SUPV3L1: variants seen among roughly 807,000 people sequenced by gnomAD.
The protein encoded by SUPV3L1 is Suv3 like RNA helicase.
SUPV3L1 carries 35 observed loss-of-function variants against 70.0 expected under a neutral mutation model. The ratio of observed to expected loss-of-function variants is 0.50; its 90% CI spans 0.38 to 0.66. The LOEUF (loss-of-function observed/expected upper bound fraction) is 0.66. Among genes scored for constraint, SUPV3L1 ranks in the 30% least tolerant of loss-of-function variants. The pLI is 0.00. For synonymous variants in SUPV3L1, 364 were observed against 341.9 expected, an observed-to-expected ratio of 1.06 and a Z score of -0.71; for missense variants, 777 against 961.5, an observed-to-expected ratio of 0.81 and a Z score of 2.54.
chr10:69,187,321 C>CTTT (rs200287859), intron 3 of SUPV3L1: 1 of 83,772 alleles, frequency 1.2e-5, no homozygotes, highest in Admixed American at 1.2e-4. Context: ...GACTTTTCTA[C>CTTT]TTTTTTTTTT....
At chr10:69,190,009 C>T (rs1299708476) in intron 5 of SUPV3L1, among the ~76,000 whole-genome samples, 1 of 152,150 alleles carries the variant, frequency 6.6e-6, no homozygotes, top group African/African-American at 2.4e-5. Flanking sequence ...TGTGCCAGTA[C>T]AGTGAATGAA....
At chr10:69,187,440 C>T in intron 3 of SUPV3L1, 1 of 314,758 alleles carries the variant, frequency 3.2e-6, no homozygotes, top group Non-Finnish European at 5.9e-6. Context: ...GTAGCCTCAA[C>T]CTCCTGGGCT....
chr10:69,180,280 C>A lies in SUPV3L1; in HGVS notation c.-12C>A. The A allele has an allele frequency of 2.5e-6, 4 of 1,612,154 alleles. No homozygotes were observed. The South Asian group carries it at 4.4e-5, about 18-fold the overall frequency. On this transcript the variant is annotated 5_prime_UTR_variant, in exon 1 of 15. Coordinates refer to ENST00000359655, the MANE Select transcript of SUPV3L1 (RefSeq NM_003171.5). ...CGCGGCTGCGCCAGACAGTGTAGAA[C>A]CTGCGGCCTCGATGTCCTTCTCCCG... is the stretch of plus-strand genomic sequence containing the variant.
At chr10:69,183,297 A>G (rs1205260540) in intron 1 of SUPV3L1, among the ~76,000 whole-genome samples, 1 of 152,140 alleles carries the variant, frequency 6.6e-6, no homozygotes, top group Non-Finnish European at 1.5e-5. Flanking sequence ...CCATCTTTTG[A>G]CTGGACTGCA....
In SUPV3L1 at chr10:69,180,364, T is replaced by C; in HGVS notation, c.73T>C (p.Cys25Arg). The change falls in exon 1 of 15, where the codon TGC becomes CGC. Residue 25 changes from cysteine (C) to arginine (R), a missense_variant. By Grantham distance (180) the Cys-to-Arg change is radical. Around this residue, in one of 2 missense-constraint regions of SUPV3L1, gnomAD observed 158 missense variants for 138.3 expected, o/e 1.14. Transcript: ENST00000359655. ...GRQAGHRAAI[C>R]SALRPHFGPF... is the part of the protein sequence containing the mutation. ...CCAGGCTGGCCACCGGGCAGCCATC[T>C]GCTCTGCCCTTCGTCCCCACTTTGG... 1 of 1,614,224 alleles carries C rather than the reference T, an allele frequency of 6.2e-7. No homozygotes were observed. The highest frequency in any genetic ancestry group is 1.1e-5 in the South Asian group (1 of 91,088).
At chr10:69,184,198 A>G (rs775839612) in intron 1 of SUPV3L1, among the ~76,000 whole-genome samples, 5 of 151,950 alleles carry the variant, frequency 3.3e-5, no homozygotes, top group African/African-American at 4.8e-5. Flanking sequence ...CCTTTTTCCA[A>G]TCTTTTATTT....
In SUPV3L1 at chr10:69,202,857, T is replaced by C. The variant is rs760555128; in HGVS notation, c.1600-10T>C. 1.2e-6 allele frequency: 2 copies of C among 1,608,758 alleles called. No homozygotes were observed. The highest frequency in any genetic ancestry group is 3.4e-5 in the Admixed American group (2 of 59,202). On this transcript the variant is annotated splice_polypyrimidine_tract_variant and intron_variant, in intron 12 of 14. Transcript: ENST00000359655. ...GGCAGTCCAGTAATTTCTGTCTTTT[T>C]TTCCCCAAGGATATTTTTGTAGACT...
intron 13 of SUPV3L1, among the ~76,000 whole-genome samples, chr10:69,204,605 A>G (rs921946012): frequency 2.6e-5 from 4 of 151,102 alleles, no homozygotes; most frequent in African/African-American, 9.9e-5. Context: ...AAATGAGAAC[A>G]TTACAGATAG....
chr10:69,184,235 C>T (rs1842149163), intron 1 of SUPV3L1, among the ~76,000 whole-genome samples: 2 of 151,798 alleles, frequency 1.3e-5, no homozygotes, highest in Non-Finnish European at 2.9e-5. Flanking sequence ...CCCTTGATAC[C>T]AAGAAACTGT....
intron 1 of SUPV3L1, among the ~76,000 whole-genome samples, chr10:69,183,834 C>A (rs1449290914): frequency 2.6e-5 from 4 of 151,502 alleles, no homozygotes; most frequent in African/African-American, 9.7e-5. Flanking sequence ...TAAAAAGAAA[C>A]CTGATATCTG....
At chr10:69,191,414 A>C (rs1031996719) in intron 5 of SUPV3L1, among the ~76,000 whole-genome samples, 1 of 151,842 alleles carries the variant, frequency 6.6e-6, no homozygotes, top group Non-Finnish European at 1.5e-5. Context: ...TTTTTGGTAG[A>C]GATGGGATTT....
chr10:69,187,625 A>G lies in SUPV3L1; in HGVS notation c.458-17A>G. On this transcript the variant is annotated splice_polypyrimidine_tract_variant and intron_variant, in intron 3 of 14. Coordinates refer to ENST00000359655, the MANE Select transcript of SUPV3L1 (RefSeq NM_003171.5). ...TTATGTAGATTGCACATGTTAATAC[A>G]GTGTTTTATTTTCCAGCTCATGCGG... is the stretch of plus-strand genomic sequence containing the variant. 6.6e-7 allele frequency: 1 copy of G among 1,520,912 alleles called. No homozygotes were observed. The highest frequency in any genetic ancestry group is 9.0e-7 in the Non-Finnish European group (1 of 1,106,226). The allele number at this position is 1,520,912 out of a possible 1,614,324, so 94.2% of individuals were successfully genotyped here.
chr10:69,202,782 G>A (rs1842718862), intron 12 of SUPV3L1, 85 bp from the exon 13 acceptor site: 2 of 1,363,322 alleles, frequency 1.5e-6, no homozygotes, highest in African/African-American at 1.5e-5. Flanking sequence ...TAAAGAGATT[G>A]TCTTTTATAG....
chr10:69,191,834 T>A, intron 6 of SUPV3L1, 68 bp downstream of exon 6: 1 of 1,196,600 alleles, frequency 8.4e-7, no homozygotes, highest in South Asian at 1.3e-5. Flanking sequence ...CAAGACAGAG[T>A]CTTGCTCTGT....
chr10:69,203,172 A>T, intron 13 of SUPV3L1, 129 bp downstream of exon 13: 1 of 955,712 alleles, frequency 1.0e-6, no homozygotes, highest in African/African-American at 1.7e-5. Context: ...GTAAAAACTT[A>T]AATAGGGGTT....
intron 11 of SUPV3L1, among the ~76,000 whole-genome samples, chr10:69,201,707 T>A (rs930078193): frequency 1.3e-5 from 2 of 152,074 alleles, no homozygotes; most frequent in African/African-American, 4.8e-5. Context: ...GCTGATTTTT[T>A]AAAAATTTTT....
intron 8 of SUPV3L1, 61 bp downstream of exon 8, chr10:69,197,144 A>G: frequency 6.9e-7 from 1 of 1,440,392 alleles, no homozygotes; most frequent in Non-Finnish European, 9.8e-7. Context: ...GTACCTAGGC[A>G]GTGGCTTCAG....
At position 69,208,908 on chromosome 10, in the gene SUPV3L1, C is replaced by T. The variant is rs753907532; in HGVS notation, c.2234C>T (p.Pro745Leu). 9.3e-6 allele frequency: 15 copies of T among 1,614,094 alleles called. No homozygotes were observed. In the South Asian group the frequency reaches 1.6e-4, roughly 18 times the overall value. ...TTGGTGCAGCAAGGACTCCTCACTC[C>T]AGACATGCTGAAACAGCTAGAAAAA... ...SRLVQQGLLT[P>L]DMLKQLEKEW... The change falls in exon 15 of 15, where the codon CCA becomes CTA. Residue 745 changes from proline to leucine, a missense_variant. Pro to Leu is a moderately conservative substitution (Grantham distance 98, BLOSUM62 -3). This residue lies in a region of SUPV3L1 where 619 missense variants were observed against 823.3 expected (regional missense o/e 0.75). Coordinates refer to ENST00000359655, the MANE Select transcript of SUPV3L1 (RefSeq NM_003171.5).
At chr10:69,206,255 A>C (rs145348311) in intron 13 of SUPV3L1, among the ~76,000 whole-genome samples, 164 of 152,294 alleles carry the variant, frequency 1.1e-3, no homozygotes, top group African/African-American at 3.8e-3. Context: ...AACTTAGCAG[A>C]GTGGACCAGA....
Sources: allele counts gnomAD v4.1 joint callset (sites outside exome capture counted in the v4.1 genomes callset), GRCh38; gene constraint gnomAD v4.1.1; regional missense constraint gnomAD v4.1.1; transcripts MANE v1.5; gene names NCBI Gene and HGNC (gene_info 2026-07-23, HGNC 2026-07-21).